The following TTC19 variants were observed in gnomAD, a reference collection of about 807,000 sequenced individuals.
TTC19 encodes tetratricopeptide repeat domain 19.
Under a neutral mutation model 49.5 loss-of-function variants are expected in TTC19, and 38 were observed. The ratio of observed to expected loss-of-function variants is 0.77; its 90% CI spans 0.59 to 1.01. TTC19 has a LOEUF of 1.01. TTC19 is among the 50% of genes least tolerant of loss of function. The pLI is 0.00. For missense variants in TTC19, 475 were observed against 477.7 expected, an observed-to-expected ratio of 0.99 and a Z score of 0.05; for synonymous variants, 204 against 185.2, an observed-to-expected ratio of 1.10 and a Z score of -0.83.
At chr17:16,038,388 ATGATG>A (rs1422684123) in intron 2 of TTC19, among the ~76,000 whole-genome samples, 5 of 152,102 alleles carry the variant, frequency 3.3e-5, no homozygotes, top group African/African-American at 1.2e-4. Context: ...AGCATTCCGG[ATGATG>A]TGATCTGAAG....
At chr17:16,037,149 C>T (rs2056561200) in intron 2 of TTC19, among the ~76,000 whole-genome samples, 2 of 152,116 alleles carry the variant, frequency 1.3e-5, no homozygotes, top group African/African-American at 2.4e-5. Flanking sequence ...CAGGGAACAA[C>T]CAGTCAGTGG....
chr17:16,004,026 G>C, intron 5 of TTC19, 139 bp downstream of exon 5: 1 of 1,151,516 alleles, frequency 8.7e-7, no homozygotes, highest in South Asian at 1.3e-5. Context: ...TATACAAATT[G>C]CCATTCTTTC....
At chr17:16,025,857 G>A (rs2151683222) in intron 8 of TTC19, among the ~76,000 whole-genome samples, 1 of 152,284 alleles carries the variant, frequency 6.6e-6, no homozygotes, top group Admixed American at 6.5e-5. Context: ...GGAAGAAAAG[G>A]GAGGTTGAGC....
downstream of TTC19, chr17:16,032,099 C>A: frequency 3.6e-6 from 2 of 549,626 alleles, no homozygotes; most frequent in Non-Finnish European, 6.2e-6. Context: ...GTATCAAAGG[C>A]AGTTTTTTGT....
At chr17:16,043,442 G>A (rs139003277) in intron 2 of TTC19, among the ~76,000 whole-genome samples, 12 of 152,226 alleles carry the variant, frequency 7.9e-5, no homozygotes, top group Non-Finnish European at 1.5e-4. Context: ...AATTCTGTTA[G>A]TACTTCCCTT....
chr17:16,008,553 G>A (rs1006039336), intron 7 of TTC19, among the ~76,000 whole-genome samples: 6 of 152,108 alleles, frequency 3.9e-5, no homozygotes, highest in Non-Finnish European at 7.3e-5. Context: ...CAGTACCTTT[G>A]TATCACCTTT....
intron 2 of TTC19, chr17:16,039,735 T>C (rs1597652172): frequency 3.2e-6 from 4 of 1,248,940 alleles, no homozygotes; most frequent in Non-Finnish European, 3.4e-6. Flanking sequence ...ATCAGCCCAC[T>C]GAATACACAC....
intron 7 of TTC19, among the ~76,000 whole-genome samples, chr17:16,014,407 T>C (rs1404377775): frequency 3.3e-5 from 5 of 152,204 alleles, no homozygotes; most frequent in Non-Finnish European, 1.5e-5. Context: ...TAGTGAGCCG[T>C]CTCACTGAGG....
intron 7 of TTC19, among the ~76,000 whole-genome samples, chr17:16,016,445 TG>T (rs1971218796): frequency 6.6e-6 from 1 of 152,182 alleles, no homozygotes; most frequent in Non-Finnish European, 1.5e-5. Context: ...TTGAGAAGTA[TG>T]TGTATTCTGT....
rs1243404015 is a variant in TTC19 at position 16,003,849 on chromosome 17, G to T, written c.481G>T (p.Ala161Ser). The T allele has an allele frequency of 6.2e-7, 1 of 1,613,686 alleles. No homozygotes were observed. Among genetic ancestry groups the T allele is most frequent in the African/African-American group, 1.3e-5 (1 of 74,832 alleles). Residue 161 changes from alanine (A) to serine (S), a missense_variant, in exon 5 of 10, where the codon GCA (alanine) becomes TCA (serine). Transcript: ENST00000261647. The part of the protein sequence containing the change: ...QLENAEQLFK[A>S]TMSYLLGGGM... ...CTTTTAGGCTGAACAACTTTTTAAA[G>T]CAACAATGAGTTACCTCCTTGGAGG... is the stretch of plus-strand genomic sequence containing the variant.
chr17:16,004,280 G>A lies in TTC19; in HGVS notation c.581+18G>A. On this transcript the variant is annotated intron_variant, in intron 6 of 9. Coordinates refer to ENST00000261647, the MANE Select transcript of TTC19 (RefSeq NM_017775.4). The stretch of plus-strand genomic sequence containing the variant: ...CAGAACAGGTAAGTACAGCAGCCAG[G>A]GAGTAGGACTGTGGGCAGGAAACTT... 1 of 1,612,564 alleles carries A rather than the reference G, an allele frequency of 6.2e-7. No individual in the cohort carries two copies. The highest frequency in any genetic ancestry group is 8.5e-7 in the Non-Finnish European group (1 of 1,178,542).
rs771606777 is a variant in TTC19, at chr17:16,029,363, G to A, written c.*1841G>A. On this transcript the variant is annotated 3_prime_UTR_variant, in exon 10 of 10. Coordinates refer to ENST00000261647, the MANE Select transcript of TTC19 (RefSeq NM_017775.4). ...TTTACTGATTGGTCTAAATTCAAAA[G>A]TGAATTGGTTAAAATCGTGTCATTA... 19 of 374,864 alleles carry A rather than the reference G, an allele frequency of 5.1e-5. No individual in the cohort carries two copies. Among genetic ancestry groups the A allele is most frequent in the Middle Eastern group, 8.6e-4 (1 of 1,158 alleles). 23.2% of individuals were successfully genotyped at this position (374,864 alleles called of 1,614,324 possible).
chr17:16,005,361 T>C (rs1970871831), intron 6 of TTC19, among the ~76,000 whole-genome samples: 1 of 152,108 alleles, frequency 6.6e-6, no homozygotes, highest in Non-Finnish European at 1.5e-5. Context: ...TTGCCAAGTT[T>C]TGAGCGTAGG....
chr17:16,034,831 G>T, intron 2 of TTC19: 3 of 1,614,070 alleles, frequency 1.9e-6, no homozygotes, highest in Non-Finnish European at 2.5e-6. Context: ...CCTTCTGAAT[G>T]TACAGAGGAG....
chr17:16,027,251 C>T, intron 9 of TTC19, 123 bp from the exon 10 acceptor site: 1 of 1,142,596 alleles, frequency 8.8e-7, no homozygotes, highest in Middle Eastern at 2.4e-4. Flanking sequence ...GAGGCAGCAC[C>T]AGCTTGTCGC....
In TTC19 at chr17:16,001,792, ATGTC is replaced by A. The variant is rs1597448644; in HGVS notation, c.313-120_313-117del. ...TTTGTACATAGTAGGAATTCAGTAA[ATGTC>A]TGATGAATGAGTTAGCTTCCTTCTA... On this transcript the variant is annotated intron_variant, in intron 2 of 9. Coordinates refer to ENST00000261647, the MANE Select transcript of TTC19 (RefSeq NM_017775.4). 5.6e-6 allele frequency: 4 copies of A among 719,496 alleles called. 1 individual carries two copies. In the South Asian group the frequency reaches 6.1e-5, roughly 11 times the overall value. 44.6% of individuals were successfully genotyped at this position (719,496 alleles called of 1,614,324 possible).
At position 16,028,989 on chromosome 17, in the gene TTC19, C is replaced by T. The variant is rs770363674; in HGVS notation, c.*1467C>T. The T allele has an allele frequency of 4.6e-6, 2 of 431,642 alleles. No individual in the cohort carries two copies. The highest frequency in any genetic ancestry group is 1.7e-5 in the South Asian group (1 of 58,786). 26.7% of individuals were successfully genotyped at this position (431,642 alleles called of 1,614,324 possible). A position where few individuals can be genotyped will look rare whatever the true frequency, so the allele number is the denominator to read the frequency against. ...CATATTATTTACCATGCAGCTAATG[C>T]CGTTTACCAAGTCTAGCTCAGAGAG... On this transcript the variant is annotated 3_prime_UTR_variant, in exon 10 of 10. Coordinates refer to ENST00000261647, the MANE Select transcript of TTC19 (RefSeq NM_017775.4).
chr17:16,001,843 A>G (rs1970745654), intron 2 of TTC19, 72 bp from the exon 3 acceptor site: 3 of 1,024,348 alleles, frequency 2.9e-6, no homozygotes, highest in South Asian at 1.3e-5. Context: ...GTACAGTTGC[A>G]TACACTTCTG....
At chr17:16,040,508 A>G in intron 2 of TTC19, 1 of 1,611,540 alleles carries the variant, frequency 6.2e-7, no homozygotes, top group Non-Finnish European at 8.5e-7. Flanking sequence ...TATTTAAGCA[A>G]ACATTCAAGT....
Sources: allele counts gnomAD v4.1 joint callset (sites outside exome capture counted in the v4.1 genomes callset), GRCh38; gene constraint gnomAD v4.1.1; transcripts MANE v1.5; gene names NCBI Gene and HGNC (gene_info 2026-07-23, HGNC 2026-07-21).